The following CNGB3 variants were observed in gnomAD, a reference collection of about 807,000 sequenced individuals.
The protein encoded by CNGB3 is cyclic nucleotide-gated channel beta-3.
Under a neutral mutation model 92.8 loss-of-function variants are expected in CNGB3, and 86 were observed. The observed-to-expected ratio is 0.93, with a 90% CI of 0.78 to 1.11. The LOEUF is 1.11. Ranked by LOEUF, CNGB3 falls within the 50% of genes least tolerant of loss-of-function variation. The pLI, the probability that CNGB3 is intolerant of heterozygous loss-of-function variation, is 0.00. For synonymous variants in CNGB3, 333 were observed against 332.7 expected, an observed-to-expected ratio of 1.00 and a Z score of -0.01; for missense variants, 1,026 against 956.8, an observed-to-expected ratio of 1.07 and a Z score of -0.95.
intron 15 of CNGB3, among the ~76,000 whole-genome samples, chr8:86,591,246 T>A (rs1171163500): frequency 7.4e-4 from 106 of 143,452 alleles, no homozygotes; most frequent in Non-Finnish European, 1.3e-3. Flanking sequence ...TTCTTCTAAA[T>A]TTTTTTCAAA....
intron 3 of CNGB3, among the ~76,000 whole-genome samples, chr8:86,722,826 A>C (rs1188028221): frequency 6.6e-6 from 1 of 152,088 alleles, no homozygotes; most frequent in Non-Finnish European, 1.5e-5. Flanking sequence ...GGCTTTTTGG[A>C]CTGGAACTTA....
At chr8:86,719,169 A>G (rs1824918690) in intron 3 of CNGB3, among the ~76,000 whole-genome samples, 1 of 152,102 alleles carries the variant, frequency 6.6e-6, no homozygotes, top group Non-Finnish European at 1.5e-5. Context: ...AGTCATAGCC[A>G]GAGCAATCAG....
intron 3 of CNGB3, among the ~76,000 whole-genome samples, chr8:86,707,265 T>C (rs1824666970): frequency 6.6e-6 from 1 of 152,208 alleles, no homozygotes; most frequent in Non-Finnish European, 1.5e-5. Flanking sequence ...TATTTGAAGA[T>C]ATGTTACTTT....
intron 15 of CNGB3, 147 bp from the exon 16 acceptor site, chr8:86,579,399 T>C: frequency 1.1e-6 from 1 of 921,692 alleles, no homozygotes; most frequent in African/African-American, 1.7e-5. Context: ...GTGCAGAGAG[T>C]GTCAAGATGT....
At chr8:86,658,214 C>A in intron 6 of CNGB3, 1 of 562,646 alleles carries the variant, frequency 1.8e-6, no homozygotes, top group Non-Finnish European at 3.3e-6. Context: ...CCCTTTGCTC[C>A]TTCAGCTGCC....
intron 2 of CNGB3, among the ~76,000 whole-genome samples, chr8:86,730,933 C>T (rs1045965482): frequency 6.6e-6 from 1 of 152,030 alleles, no homozygotes; most frequent in African/African-American, 2.4e-5. Context: ...ATATTAAAAA[C>T]ATGTGATCTG....
chr8:86,672,818 T>A (rs1823886157), intron 3 of CNGB3, among the ~76,000 whole-genome samples: 1 of 152,292 alleles, frequency 6.6e-6, no homozygotes, highest in Non-Finnish European at 1.5e-5. Context: ...TTTATACTTC[T>A]TTCAAAGGTA....
chr8:86,592,843 C>G (rs1035123476), intron 15 of CNGB3, among the ~76,000 whole-genome samples: 3 of 152,106 alleles, frequency 2.0e-5, no homozygotes, highest in South Asian at 2.1e-4. Flanking sequence ...GGTTAGATAA[C>G]CTGTGTAGAC....
chr8:86,723,794 G>C (rs1825013829), intron 3 of CNGB3, among the ~76,000 whole-genome samples: 1 of 152,160 alleles, frequency 6.6e-6, no homozygotes, highest in Non-Finnish European at 1.5e-5. Context: ...TACTTAGTTT[G>C]TTAATACTTC....
At chr8:86,706,285 A>G (rs1286782120) in intron 3 of CNGB3, among the ~76,000 whole-genome samples, 1 of 152,228 alleles carries the variant, frequency 6.6e-6, no homozygotes, top group Non-Finnish European at 1.5e-5. Flanking sequence ...CCTTAGATTA[A>G]TGTCTGAACA....
Position 86,666,960 on chromosome 8 carries a change from G to A in CNGB3, c.817C>T (p.Pro273Ser). The A allele has an allele frequency of 1.2e-6, 2 of 1,613,054 alleles. No individual in the cohort carries two copies. The highest frequency in any genetic ancestry group is 1.7e-6 in the Non-Finnish European group (2 of 1,180,000). Residue 273 changes from proline to serine, a missense_variant, in exon 6 of 18, where the codon CCC becomes TCC. By Grantham distance (74) the Pro-to-Ser change is moderately conservative (BLOSUM62 -1). Transcript: ENST00000320005. The part of the protein sequence containing the change: ...IYLYDMLFIQ[P>S]RLQFVRGGDI... ...CCTCCTCTTACAAACTGGAGTCTGG[G>A]CTGGATAAATAGCATATCATAAAGG...
At chr8:86,579,867 T>C (rs1821728100) in intron 15 of CNGB3, among the ~76,000 whole-genome samples, 1 of 152,176 alleles carries the variant, frequency 6.6e-6, no homozygotes, top group African/African-American at 2.4e-5. Flanking sequence ...CCTCTTCTTT[T>C]CCCATTCAGG....
At chr8:86,729,718 ATTTG>A (rs921120403) in intron 2 of CNGB3, among the ~76,000 whole-genome samples, 1 of 152,188 alleles carries the variant, frequency 6.6e-6, no homozygotes, top group Admixed American at 6.5e-5. Flanking sequence ...GCAACATGTT[ATTTG>A]TTTGTGGAAA....
chr8:86,647,322 A>G lies in CNGB3; in HGVS notation c.990+479T>C, dbSNP rs149282759. 4.5e-3 allele frequency among the ~76,000 whole-genome samples: 678 copies of G among 151,152 alleles called. 3 individuals carry two copies. Among genetic ancestry groups the G allele is most frequent in the African/African-American group, 0.015 (639 of 41,462 alleles). On this transcript the variant is annotated intron_variant, in intron 8 of 17. Transcript: ENST00000320005. ...GTGATGTGAAAGTATGTGCTCACATACTTGTGAAAGCATGTCTGTGATGTA... is the reference window on the plus strand; with the variant it reads ...GTGATGTGAAAGTATGTGCTCACATGCTTGTGAAAGCATGTCTGTGATGTA...
At chr8:86,695,069 C>A (rs373467441) in intron 3 of CNGB3, among the ~76,000 whole-genome samples, 1 of 152,212 alleles carries the variant, frequency 6.6e-6, no homozygotes, top group Admixed American at 6.5e-5. Context: ...CCAAGGCTGG[C>A]GGATCACTCG....
intron 3 of CNGB3, among the ~76,000 whole-genome samples, chr8:86,675,450 G>A (rs1275902386): frequency 6.6e-6 from 1 of 152,024 alleles, no homozygotes; most frequent in African/African-American, 2.4e-5. Flanking sequence ...ATTTTGTTCT[G>A]TTCTAGAGAT....
chr8:86,709,651 C>T (rs558612210), intron 3 of CNGB3, among the ~76,000 whole-genome samples: 3 of 151,800 alleles, frequency 2.0e-5, no homozygotes, highest in East Asian at 1.9e-4. Context: ...TATGTTTTAC[C>T]GCATTGTACA....
At chr8:86,633,972 G>GA (rs1322743889) in intron 10 of CNGB3, among the ~76,000 whole-genome samples, 1 of 152,132 alleles carries the variant, frequency 6.6e-6, no homozygotes, top group Non-Finnish European at 1.5e-5. Context: ...ATTTGGTATT[G>GA]AAGAAAATCA....
chr8:86,632,768 G>A lies in CNGB3; in HGVS notation c.1304C>T (p.Ser435Phe), dbSNP rs121918344. ...LNFFSGVFVF[S>F]SLIGQMRDVI... The stretch of plus-strand genomic sequence containing the variant: ...TCAGCTTACCTGACCAATTAAACTG[G>A]AGAACACAAAAACTCCAGAAAAAAA... The change falls in exon 11 of 18, where the codon TCC (serine) becomes TTC (phenylalanine). Residue 435 changes from serine (S) to phenylalanine (F), a missense_variant. Ser to Phe is a radical substitution (Grantham distance 155, BLOSUM62 -2). Coordinates refer to ENST00000320005, the MANE Select transcript of CNGB3 (RefSeq NM_019098.5). 1.9e-6 allele frequency: 3 copies of A among 1,613,040 alleles called. No homozygotes were observed. The highest frequency in any genetic ancestry group is 2.5e-6 in the Non-Finnish European group (3 of 1,179,762).
Sources: allele counts gnomAD v4.1 joint callset (sites outside exome capture counted in the v4.1 genomes callset), GRCh38; gene constraint gnomAD v4.1.1; transcripts MANE v1.5; gene names NCBI Gene and HGNC (gene_info 2026-07-23, HGNC 2026-07-21).